Variants in PARD3B observed in about 807,000 individuals in gnomAD.
PARD3B encodes the protein partitioning defective 3 homolog B.
Under a neutral mutation model 130.2 loss-of-function variants are expected in PARD3B, and 103 were observed. The observed-to-expected ratio is 0.79, with a 90% confidence interval of 0.67 to 0.93. The LOEUF (loss-of-function observed/expected upper bound fraction) is 0.93, where lower values mean the gene tolerates loss of function less well. Ranked by LOEUF, PARD3B falls within the 40% of genes least tolerant of loss-of-function variation. The pLI is 0.00. For synonymous variants in PARD3B, 583 were observed against 553.2 expected, an observed-to-expected ratio of 1.05 and a Z score of -0.76; for missense variants, 1,609 against 1,499.2, an observed-to-expected ratio of 1.07 and a Z score of -1.21.
intron 2 of PARD3B, among the ~76,000 whole-genome samples, chr2:204,933,120 T>A (rs1365846948): frequency 6.6e-6 from 1 of 152,168 alleles, no homozygotes; most frequent in Non-Finnish European, 1.5e-5. Context: ...GTACTTGAAA[T>A]AGTTTAAATG....
At chr2:205,024,162 C>CTTTTTTTTTTTTTTTTTTT (rs1172893472) in intron 3 of PARD3B, among the ~76,000 whole-genome samples, 1 of 98,742 alleles carries the variant, frequency 1.0e-5, no homozygotes. Context: ...TTCTTTCTTT[C>CTTTTTTTTTTTTTTTTTTT]TTTTTTTTTT....
chr2:205,197,779 T>C (rs1207983414), intron 15 of PARD3B, among the ~76,000 whole-genome samples: 1 of 152,192 alleles, frequency 6.6e-6, no homozygotes, highest in Non-Finnish European at 1.5e-5. Context: ...TTGTAGACTT[T>C]TCCCTATTTA....
intron 2 of PARD3B, among the ~76,000 whole-genome samples, chr2:204,744,614 T>C (rs1361146862): frequency 6.6e-6 from 1 of 152,012 alleles, no homozygotes; most frequent in Non-Finnish European, 1.5e-5. Context: ...GCCAGTCAGA[T>C]GAAACTGGTG....
At chr2:205,295,508 T>C (rs1278185505) in intron 16 of PARD3B, among the ~76,000 whole-genome samples, 1 of 152,242 alleles carries the variant, frequency 6.6e-6, no homozygotes, top group Non-Finnish European at 1.5e-5. Context: ...ATGTACAAAT[T>C]AATACATTAT....
At chr2:204,583,444 G>A (rs1235114642) in intron 1 of PARD3B, among the ~76,000 whole-genome samples, 6 of 111,594 alleles carry the variant, frequency 5.4e-5, no homozygotes, top group Non-Finnish European at 1.1e-4. Flanking sequence ...ATGGTCACAG[G>A]AAGGGGAATA....
chr2:204,799,252 G>T lies in PARD3B; in HGVS notation c.222+112970G>T, dbSNP rs568495518. ...CCAGGCAGTACTTGCCCTGGGCCTG[G>T]GTCGCTGGTGGCTGCAGGGAAACTC... On this transcript the variant is annotated intron_variant, in intron 2 of 22. Transcript: ENST00000406610. This position sits in a 1 kb window ranked among gnomAD's most constrained non-coding sequence, Gnocchi z 4.1. Among the ~76,000 whole-genome samples, 2 of 152,166 alleles carry T rather than the reference G, an allele frequency of 1.3e-5. No homozygotes were observed. The highest frequency in any genetic ancestry group is 2.9e-5 in the Non-Finnish European group (2 of 68,030).
chr2:205,612,468 A>G (rs1418168502), intron 22 of PARD3B, among the ~76,000 whole-genome samples: 1 of 152,320 alleles, frequency 6.6e-6, no homozygotes, highest in East Asian at 1.9e-4. Flanking sequence ...ATAATTTAAA[A>G]TAATACACAC....
At chr2:204,703,001 T>G (rs942368715) in intron 2 of PARD3B, among the ~76,000 whole-genome samples, 4 of 152,234 alleles carry the variant, frequency 2.6e-5, no homozygotes, top group African/African-American at 9.6e-5. Context: ...CAATTAGAAT[T>G]TACTTTATTG....
intron 1 of PARD3B, among the ~76,000 whole-genome samples, chr2:204,600,123 G>A (rs961393045): frequency 6.6e-6 from 1 of 151,654 alleles, no homozygotes; most frequent in Non-Finnish European, 1.5e-5. Flanking sequence ...CATTCTGTAG[G>A]TTGCCTTTTT....
At chr2:205,205,291 A>G (rs545883812) in intron 15 of PARD3B, among the ~76,000 whole-genome samples, 4 of 152,204 alleles carry the variant, frequency 2.6e-5, no homozygotes, top group Admixed American at 2.0e-4. Flanking sequence ...TTGCACATTG[A>G]TTTTGTATCT....
chr2:204,693,991 T>C (rs1169786717), intron 2 of PARD3B, among the ~76,000 whole-genome samples: 1 of 152,060 alleles, frequency 6.6e-6, no homozygotes, highest in Non-Finnish European at 1.5e-5. Context: ...AATGAACGTA[T>C]GCTTTGAGGT....
At chr2:205,367,945 G>A (rs1352787407) in intron 18 of PARD3B, among the ~76,000 whole-genome samples, 4 of 152,118 alleles carry the variant, frequency 2.6e-5, no homozygotes, top group African/African-American at 9.7e-5. Context: ...AGTTTTATGT[G>A]ATGATTTGTA....
chr2:205,016,810 C>T (rs1337687062), intron 3 of PARD3B, among the ~76,000 whole-genome samples: 1 of 152,170 alleles, frequency 6.6e-6, no homozygotes, highest in East Asian at 1.9e-4. Flanking sequence ...TCCTGATTCT[C>T]AATTCTTAGC....
chr2:205,043,971 C>A (rs1698571234), intron 3 of PARD3B, among the ~76,000 whole-genome samples: 1 of 145,706 alleles, frequency 6.9e-6, no homozygotes, highest in African/African-American at 2.6e-5. Context: ...CCCAACCCAC[C>A]ACAGTCCCCA....
At chr2:205,423,838 A>G in intron 19 of PARD3B, among the ~76,000 whole-genome samples, 1 of 152,194 alleles carries the variant, frequency 6.6e-6, no homozygotes, top group East Asian at 1.9e-4. Context: ...TAACACCAGA[A>G]CAGAAAACCA....
chr2:205,330,398 T>C (rs1574717608), intron 18 of PARD3B, among the ~76,000 whole-genome samples: 1 of 152,186 alleles, frequency 6.6e-6, no homozygotes, highest in Non-Finnish European at 1.5e-5. Flanking sequence ...TAATGGGTGT[T>C]GGACTCTTGC....
In PARD3B at chr2:204,683,653, C is replaced by T. The variant is rs78242428; in HGVS notation, c.121-2528C>T. ...CCTCTCAGATGTGTAAAATATTAAC[C>T]CTGAGACTGATTTCCTATGGCTTGT... On this transcript the variant is annotated intron_variant, in intron 1 of 22. Coordinates refer to ENST00000406610, the MANE Select transcript of PARD3B (RefSeq NM_001302769.2). 1.9e-3 allele frequency among the ~76,000 whole-genome samples: 283 copies of T among 152,102 alleles called. 4 individuals carry two copies. In the East Asian group the frequency reaches 0.047, roughly 26 times the overall value.
Position 204,673,327 on chromosome 2 carries a change from G to A in PARD3B, c.121-12854G>A, listed in dbSNP as rs57144931. On this transcript the variant is annotated intron_variant, in intron 1 of 22. Transcript: ENST00000406610. The surrounding 1 kb of genome is among the most constrained non-coding windows in gnomAD (Gnocchi z 4.7). ...AACATATTTAATGCTGATGTAAAAAGTAGTAGAATTTTATTTCATTTTGTA... is the reference window on the plus strand; with the variant it reads ...AACATATTTAATGCTGATGTAAAAAATAGTAGAATTTTATTTCATTTTGTA... 0.19 allele frequency among the ~76,000 whole-genome samples: 28,738 copies of A among 152,112 alleles called. 2,882 individuals are homozygous for A. The highest frequency in any genetic ancestry group is 0.25 in the African/African-American group (10,450 of 41,482).
chr2:205,025,127 C>A (rs935209574), intron 3 of PARD3B, among the ~76,000 whole-genome samples: 1 of 152,136 alleles, frequency 6.6e-6, no homozygotes, highest in African/African-American at 2.4e-5. Context: ...TTGAGCTTCC[C>A]CAGGCTGTGA....
Sources: allele counts gnomAD v4.1 joint callset (sites outside exome capture counted in the v4.1 genomes callset), GRCh38; gene constraint gnomAD v4.1.1; non-coding constraint Gnocchi (gnomAD v3.1); transcripts MANE v1.5; gene names NCBI Gene and HGNC (gene_info 2026-07-23, HGNC 2026-07-21).